The following OVOL2 variants were observed in gnomAD, a reference collection of about 807,000 sequenced individuals.
The protein encoded by OVOL2 is ovo like zinc finger 2.
Under a neutral mutation model 18.1 loss-of-function variants are expected in OVOL2, and 13 were observed. That is an observed-to-expected ratio of 0.72 (90% CI 0.47 to 1.14). The LOEUF (loss-of-function observed/expected upper bound fraction) is 1.14. OVOL2 is among the 50% of genes most tolerant of loss of function. The pLI is 0.00. For synonymous variants in OVOL2, 166 were observed against 162.7 expected (o/e 1.02, Z -0.16); for missense variants, 335 against 383.0 (o/e 0.87, Z 1.05).
intron 3 of OVOL2, among the ~76,000 whole-genome samples, chr20:18,039,401 G>C (rs1288475442): frequency 6.6e-6 from 1 of 151,942 alleles, no homozygotes; most frequent in Non-Finnish European, 1.5e-5. Flanking sequence ...GCGGGTGGAT[G>C]GCTTGAGCCC....
chr20:18,048,125 A>G (rs2036740621), intron 2 of OVOL2, among the ~76,000 whole-genome samples: 1 of 151,246 alleles, frequency 6.6e-6, no homozygotes, highest in Non-Finnish European at 1.5e-5. Context: ...CATCTCTACT[A>G]AAAATACAAA....
chr20:18,041,981 G>C (rs1182540210), intron 2 of OVOL2, among the ~76,000 whole-genome samples: 1 of 147,628 alleles, frequency 6.8e-6, no homozygotes, highest in South Asian at 2.2e-4. Flanking sequence ...CTCGATCTCA[G>C]CTCACCGTAA....
At position 18,056,192 on chromosome 20, in the gene OVOL2, C is replaced by T. The variant is rs191719264; in HGVS notation, c.321+465G>A. 2.2e-4 allele frequency among the ~76,000 whole-genome samples: 33 copies of T among 152,284 alleles called. 1 individual carries two copies. Among genetic ancestry groups the T allele is most frequent in the Admixed American group, 1.9e-3 (29 of 15,296 alleles). ...GTCAAGCTGCCGCCCAGGTCCAGAA[C>T]ATAAGCATGGGGGGTGAACTCTCAG... On this transcript the variant is annotated intron_variant, in intron 2 of 3. Coordinates refer to ENST00000278780, the MANE Select transcript of OVOL2 (RefSeq NM_021220.4). The surrounding 1 kb of genome is among the most constrained non-coding windows in gnomAD (Gnocchi z 4.2).
chr20:18,052,830 T>C (rs537860800), intron 2 of OVOL2, among the ~76,000 whole-genome samples: 11 of 152,224 alleles, frequency 7.2e-5, no homozygotes, highest in African/African-American at 2.7e-4. Context: ...GAATCACGTA[T>C]GAATACTATC....
At chr20:18,040,560 C>G (rs1377395586) in intron 3 of OVOL2, among the ~76,000 whole-genome samples, 6 of 152,158 alleles carry the variant, frequency 3.9e-5, no homozygotes. Context: ...AGGGATCACT[C>G]TGGCAGAGGT....
chr20:18,026,632 C>T (rs1159209709), intron 3 of OVOL2, among the ~76,000 whole-genome samples: 2 of 152,158 alleles, frequency 1.3e-5, no homozygotes, highest in East Asian at 1.9e-4. Flanking sequence ...CTGCCCCCCT[C>T]GGCCTCCCAA....
chr20:18,058,056 C>G (rs903654724), upstream of OVOL2, among the ~76,000 whole-genome samples: 1 of 152,204 alleles, frequency 6.6e-6, no homozygotes, highest in African/African-American at 2.4e-5. Flanking sequence ...CTGTTCTTCC[C>G]CCTCCTCTTT....
In OVOL2 at chr20:18,024,960, G is replaced by A; in HGVS notation, c.512-8C>T. 1 of 1,604,086 alleles carries A rather than the reference G, an allele frequency of 6.2e-7. No individual in the cohort carries two copies. The highest frequency in any genetic ancestry group is 1.1e-5 in the South Asian group (1 of 90,372). ...ATTTGTAGGGACGAATGCCTGAAAG[G>A]ATGAGGGACAGACACAGCATCGGTT... On this transcript the variant is annotated splice_region_variant and splice_polypyrimidine_tract_variant and intron_variant, in intron 3 of 3. Transcript: ENST00000278780.
intron 2 of OVOL2, among the ~76,000 whole-genome samples, chr20:18,047,208 A>G (rs556130158): frequency 2.6e-5 from 4 of 152,270 alleles, no homozygotes; most frequent in South Asian, 2.1e-4. Flanking sequence ...TCACCTGTAA[A>G]ATGTGAATAA....
intron 3 of OVOL2, among the ~76,000 whole-genome samples, chr20:18,031,799 G>A (rs982585915): frequency 2.0e-5 from 3 of 152,124 alleles, no homozygotes; most frequent in East Asian, 1.9e-4. Context: ...TACCTAGTCC[G>A]AAAAATATTG....
Position 18,056,590 on chromosome 20 carries a change from G to T in OVOL2, c.321+67C>A. 1.5e-6 allele frequency: 2 copies of T among 1,296,206 alleles called. No individual in the cohort carries two copies. The highest frequency in any genetic ancestry group is 9.8e-7 in the Non-Finnish European group (1 of 1,019,808). The allele number at this position is 1,296,206 out of a possible 1,614,324, so 80.3% of individuals were successfully genotyped here. Reference sequence around the variant, plus strand: ...GCAGGCGGGCGCGGCAGGGAGGGGCGCCGGCCTCGGGAGCCCGACGCCAGG... The same window carrying T: ...GCAGGCGGGCGCGGCAGGGAGGGGCTCCGGCCTCGGGAGCCCGACGCCAGG... On this transcript the variant is annotated intron_variant, in intron 2 of 3. Coordinates refer to ENST00000278780, the MANE Select transcript of OVOL2 (RefSeq NM_021220.4). This position sits in a 1 kb window ranked among gnomAD's most constrained non-coding sequence, Gnocchi z 4.2.
At chr20:18,045,065 T>C (rs1397425061) in intron 2 of OVOL2, among the ~76,000 whole-genome samples, 2 of 152,194 alleles carry the variant, frequency 1.3e-5, no homozygotes, top group Non-Finnish European at 2.9e-5. Flanking sequence ...GTTGGGTGGC[T>C]GTCCTGGATC....
At chr20:18,058,619 T>G (rs2036852521), upstream of OVOL2, among the ~76,000 whole-genome samples, 1 of 149,830 alleles carries the variant, frequency 6.7e-6, no homozygotes, top group Non-Finnish European at 1.5e-5. Context: ...AAATGCAGCT[T>G]CAAAACAAGC....
Position 18,034,626 on chromosome 20 carries a change from T to TTCTCTCTCTCTCTCTCTCTC in OVOL2, c.511+6888_511+6907dup, listed in dbSNP as rs11466923. On this transcript the variant is annotated intron_variant, in intron 3 of 3. Transcript: ENST00000278780. ...TTTAACTAACACTCCCTTCCCCTCT[T>TTCTCTCTCTCTCTCTCTCTC]TCTCTCTCTCTCTCTCTCTCTCTCT... Among the ~76,000 whole-genome samples, 234 of 137,916 alleles carry TTCTCTCTCTCTCTCTCTCTC rather than the reference T, an allele frequency of 1.7e-3. 1 individual carries two copies. Among genetic ancestry groups the TTCTCTCTCTCTCTCTCTCTC allele is most frequent in the African/African-American group, 6.5e-3 (226 of 34,750 alleles). 90.5% of individuals were successfully genotyped at this position (137,916 alleles called of 152,430 possible).
intron 3 of OVOL2, among the ~76,000 whole-genome samples, chr20:18,038,480 C>T (rs560452199): frequency 6.6e-6 from 1 of 152,290 alleles, no homozygotes; most frequent in East Asian, 1.9e-4. Flanking sequence ...TTCTTAACTA[C>T]TATGTGACCG....
intron 3 of OVOL2, among the ~76,000 whole-genome samples, chr20:18,038,654 C>T (rs1001727857): frequency 1.3e-5 from 2 of 152,184 alleles, no homozygotes; most frequent in Non-Finnish European, 1.5e-5. Context: ...GGGCCCCCTG[C>T]GTTGTGTCCT....
In OVOL2 at chr20:18,056,183, G is replaced by A. The variant is rs972233282; in HGVS notation, c.321+474C>T. 1.3e-5 allele frequency among the ~76,000 whole-genome samples: 2 copies of A among 152,230 alleles called. No individual in the cohort carries two copies. The highest frequency in any genetic ancestry group is 1.3e-4 in the Admixed American group (2 of 15,286). ...CCACTATGTGTCAAGCTGCCGCCCA[G>A]GTCCAGAACATAAGCATGGGGGGTG... On this transcript the variant is annotated intron_variant, in intron 2 of 3. Transcript: ENST00000278780. This position sits in a 1 kb window ranked among gnomAD's most constrained non-coding sequence, Gnocchi z 4.2.
chr20:18,034,413 C>T lies in OVOL2; in HGVS notation c.511+7121G>A, dbSNP rs370996649. On this transcript the variant is annotated intron_variant, in intron 3 of 3. Coordinates refer to ENST00000278780, the MANE Select transcript of OVOL2 (RefSeq NM_021220.4). ...GCTGCACTCCAGCTAACAGCAAAAC[C>T]CATGCTCATCCTCTGCCCTCACAGG... is the stretch of plus-strand genomic sequence containing the variant. Among the ~76,000 whole-genome samples the T allele has an allele frequency of 6.6e-5, 10 of 152,316 alleles. No homozygotes were observed. In the East Asian group the frequency reaches 1.9e-3, roughly 29 times the overall value.
Position 18,041,616 on chromosome 20 carries a change from C to T in OVOL2, c.429G>A (p.Gln143=). The change falls in exon 3 of 4, where the codon CAG becomes CAA. Residue 143 remains glutamine, a synonymous_variant. Coordinates refer to ENST00000278780, the MANE Select transcript of OVOL2 (RefSeq NM_021220.4). ...AGAAGGTGCACAGGTGTCTTTTCAC[C>T]TGGTTGTGGCACTTGAGGTGACGGT... ...MLNRHLKCHN[Q]VKRHLCTFCG... The T allele has an allele frequency of 3.7e-6, 6 of 1,614,126 alleles. No individual in the cohort carries two copies. The highest frequency in any genetic ancestry group is 5.1e-6 in the Non-Finnish European group (6 of 1,180,010).
Sources: allele counts gnomAD v4.1 joint callset (sites outside exome capture counted in the v4.1 genomes callset), GRCh38; gene constraint gnomAD v4.1.1; non-coding constraint Gnocchi (gnomAD v3.1); transcripts MANE v1.5; gene names NCBI Gene and HGNC (gene_info 2026-07-23, HGNC 2026-07-21).